The following PTPRG variants were observed in gnomAD, a reference collection of about 807,000 sequenced individuals.
PTPRG encodes receptor-type tyrosine-protein phosphatase gamma.
Under a neutral mutation model 165.3 loss-of-function variants are expected in PTPRG, and 102 were observed. That is an observed-to-expected ratio of 0.62 (90% CI 0.53 to 0.73). The LOEUF (loss-of-function observed/expected upper bound fraction) is 0.73, where lower values mean the gene tolerates loss of function less well. Ranked by LOEUF, PTPRG falls within the 30% of genes least tolerant of loss-of-function variation. The probability of loss-of-function intolerance (pLI) is 0.00; values close to 1 mark genes in which losing one functional copy is unlikely to be tolerated. For missense variants in PTPRG, 1,866 were observed against 1,861.4 expected (o/e 1.00, Z -0.05); for synonymous variants, 675 against 669.5 (o/e 1.01, Z -0.13).
intron 2 of PTPRG, among the ~76,000 whole-genome samples, chr3:61,855,727 T>A (rs2107381603): frequency 6.6e-6 from 1 of 151,320 alleles, no homozygotes; most frequent in South Asian, 2.1e-4. Context: ...TCTCTCTTAG[T>A]ACTTCTCATA....
intron 2 of PTPRG, among the ~76,000 whole-genome samples, chr3:61,777,808 A>G (rs2034430556): frequency 1.3e-5 from 2 of 152,192 alleles, no homozygotes; most frequent in Non-Finnish European, 2.9e-5. Flanking sequence ...GCAGAGGGTA[A>G]TCACATCATC....
intron 8 of PTPRG, among the ~76,000 whole-genome samples, chr3:62,177,225 G>A (rs1454671813): frequency 1.3e-5 from 2 of 152,170 alleles, no homozygotes; most frequent in Admixed American, 1.3e-4. Flanking sequence ...GGTTGAGGCT[G>A]TAGTGAGCCA....
At chr3:62,012,050 G>A (rs751311207) in intron 4 of PTPRG, among the ~76,000 whole-genome samples, 8 of 152,174 alleles carry the variant, frequency 5.3e-5, no homozygotes, top group Non-Finnish European at 8.8e-5. Context: ...GGGTAGTGGC[G>A]GTTGTGGTTG....
At chr3:61,930,205 T>C (rs2039324593) in intron 2 of PTPRG, among the ~76,000 whole-genome samples, 1 of 152,224 alleles carries the variant, frequency 6.6e-6, no homozygotes, top group Admixed American at 6.5e-5. Context: ...GTGACAGCCA[T>C]CTTGCCTGTT....
intron 1 of PTPRG, chr3:61,659,412 T>A: frequency 2.0e-6 from 2 of 985,316 alleles, no homozygotes; most frequent in Non-Finnish European, 2.4e-6. Context: ...TTGATGAGGC[T>A]GTGTACACTT....
chr3:62,063,036 T>C (rs1575954331), intron 4 of PTPRG, among the ~76,000 whole-genome samples: 2 of 152,366 alleles, frequency 1.3e-5, no homozygotes, highest in Non-Finnish European at 2.9e-5. Flanking sequence ...CATCAAACTT[T>C]GTTTTAAGTC....
intron 3 of PTPRG, among the ~76,000 whole-genome samples, chr3:61,995,395 C>T (rs1013019696): frequency 2.6e-4 from 39 of 152,058 alleles, no homozygotes; most frequent in African/African-American, 9.2e-4. Context: ...TGGCTCATTA[C>T]AAGGTTTTCA....
At chr3:61,856,320 C>T (rs1345679770) in intron 2 of PTPRG, among the ~76,000 whole-genome samples, 2 of 152,040 alleles carry the variant, frequency 1.3e-5, no homozygotes, top group Non-Finnish European at 2.9e-5. Context: ...CCATTTCCCA[C>T]CGCCCCGGCA....
intron 1 of PTPRG, among the ~76,000 whole-genome samples, chr3:61,614,603 G>T (rs1279769389): frequency 6.6e-6 from 1 of 151,638 alleles, no homozygotes; most frequent in Non-Finnish European, 1.5e-5. Context: ...TATGAGATGG[G>T]GTTTTAGCAT....
chr3:61,671,294 C>T (rs1266570051), intron 1 of PTPRG, among the ~76,000 whole-genome samples: 1 of 151,774 alleles, frequency 6.6e-6, no homozygotes, highest in Non-Finnish European at 1.5e-5. Flanking sequence ...CGGCCTTCTG[C>T]AGTGTTTGTG....
intron 1 of PTPRG, among the ~76,000 whole-genome samples, chr3:61,638,828 G>A (rs1411358392): frequency 1.3e-5 from 2 of 152,008 alleles, no homozygotes; most frequent in Non-Finnish European, 2.9e-5. Context: ...TTGGTCAGAT[G>A]CATATTTGCA....
intron 1 of PTPRG, among the ~76,000 whole-genome samples, chr3:61,629,594 C>T (rs558182481): frequency 6.6e-6 from 1 of 152,304 alleles, no homozygotes; most frequent in South Asian, 2.1e-4. Context: ...TCAAAGTTGA[C>T]AAAGTCTCCA....
In PTPRG at chr3:62,263,008, C is replaced by G. The variant is rs1701746529; in HGVS notation, c.2656+114C>G. On this transcript the variant is annotated intron_variant, in intron 17 of 29. Transcript: ENST00000474889. ...GGATGCCAAGAAAGAATGATTCTTGCAAGCTAACCTCTCATTAGCCCATCT... is the reference window on the plus strand; with the variant it reads ...GGATGCCAAGAAAGAATGATTCTTGGAAGCTAACCTCTCATTAGCCCATCT... The G allele has an allele frequency of 3.1e-5, 23 of 746,730 alleles. No homozygotes were observed. The South Asian group carries it at 3.9e-4, about 13-fold the overall frequency. 46.3% of individuals were successfully genotyped at this position (746,730 alleles called of 1,614,324 possible).
chr3:61,763,567 C>T (rs1332529356), intron 2 of PTPRG, among the ~76,000 whole-genome samples: 1 of 147,854 alleles, frequency 6.8e-6, no homozygotes, highest in East Asian at 2.0e-4. Flanking sequence ...GATGGGGTTT[C>T]ACCATGTTGG....
At position 62,193,434 on chromosome 3, in the gene PTPRG, T is replaced by G. The variant is rs1576119441; in HGVS notation, c.1219-1628T>G. Reference sequence around the variant, plus strand: ...TACAAGAATTTCTAGGGCTGGTTATTTTCTTTGGGGACACACAAAATTAAT... The same window carrying G: ...TACAAGAATTTCTAGGGCTGGTTATGTTCTTTGGGGACACACAAAATTAAT... On this transcript the variant is annotated intron_variant, in intron 9 of 29. Coordinates refer to ENST00000474889, the MANE Select transcript of PTPRG (RefSeq NM_002841.4). 2.6e-5 allele frequency among the ~76,000 whole-genome samples: 4 copies of G among 152,198 alleles called. No homozygotes were observed. The East Asian group carries it at 7.7e-4, about 29-fold the overall frequency.
intron 4 of PTPRG, among the ~76,000 whole-genome samples, chr3:62,054,707 T>C (rs1472855384): frequency 2.0e-5 from 3 of 152,192 alleles, no homozygotes; most frequent in Non-Finnish European, 4.4e-5. Flanking sequence ...GAAATCTTTG[T>C]TTTTGTACCT....
chr3:61,732,343 C>T (rs181731761), intron 1 of PTPRG, among the ~76,000 whole-genome samples: 4 of 152,118 alleles, frequency 2.6e-5, no homozygotes, highest in African/African-American at 4.8e-5. Context: ...TATGGGAGGC[C>T]GAGGTGGGCG....
intron 1 of PTPRG, among the ~76,000 whole-genome samples, chr3:61,665,423 T>C (rs1402260640): frequency 6.6e-6 from 1 of 151,710 alleles, no homozygotes; most frequent in East Asian, 1.9e-4. Context: ...GGCCAAGTTG[T>C]AACTTGAAAG....
chr3:61,885,680 T>TCCTCTCCTCC (rs2038012882), intron 2 of PTPRG, among the ~76,000 whole-genome samples: 1 of 2,950 alleles, frequency 3.4e-4, no homozygotes, highest in Admixed American at 2.6e-3. Context: ...TCCTCTCCTC[T>TCCTCTCCTCC]CCTCTCCTCT....
Sources: gnomAD v4.1 joint callset for allele counts (sites outside exome capture counted in the v4.1 genomes callset) on GRCh38, gnomAD v4.1.1 for gene constraint, MANE v1.5 for transcripts, NCBI Gene and HGNC (gene_info 2026-07-23, HGNC 2026-07-21) for gene names.